ATAD2B: variants seen among roughly 807,000 people sequenced by gnomAD.
The protein encoded by ATAD2B is ATPase family AAA domain-containing protein 2B.
A neutral mutation model predicts 167.6 loss-of-function variants in ATAD2B; 40 were observed. The observed-to-expected ratio is 0.24, with a 90% CI of 0.19 to 0.31. The LOEUF (loss-of-function observed/expected upper bound fraction) is 0.31. ATAD2B is among the 10% of genes least tolerant of loss of function. The pLI is 1.00. For synonymous variants in ATAD2B, 579 were observed against 596.5 expected (o/e 0.97, Z 0.43); for missense variants, 1,242 against 1,757.2 (o/e 0.71, Z 5.24).
chr2:23,802,916 C>T (rs1185102039), intron 18 of ATAD2B, among the ~76,000 whole-genome samples: 1 of 152,042 alleles, frequency 6.6e-6, no homozygotes, highest in Non-Finnish European at 1.5e-5. Context: ...ACCTTATTCA[C>T]CTTTTGAAAT....
chr2:23,715,260 A>T, the ATAD2B span, among the ~76,000 whole-genome samples: 4 of 152,226 alleles, frequency 2.6e-5, no homozygotes, highest in African/African-American at 9.6e-5. Context: ...TTTCACATTA[A>T]TTCTAGTATT....
chr2:23,766,648 A>C (rs1677451857), intron 22 of ATAD2B, among the ~76,000 whole-genome samples: 1 of 152,218 alleles, frequency 6.6e-6, no homozygotes, highest in Non-Finnish European at 1.5e-5. Flanking sequence ...AGCAGTGAAC[A>C]AAACATACAT....
intron 13 of ATAD2B, among the ~76,000 whole-genome samples, chr2:23,838,538 T>C (rs1427207475): frequency 1.3e-5 from 2 of 152,204 alleles, no homozygotes; most frequent in Non-Finnish European, 2.9e-5. Context: ...CCAAACTATT[T>C]GACACAATAT....
At chr2:23,774,317 G>A (rs1205922558) in intron 22 of ATAD2B, among the ~76,000 whole-genome samples, 1 of 152,096 alleles carries the variant, frequency 6.6e-6, no homozygotes, top group Non-Finnish European at 1.5e-5. Context: ...AGGCATGGTT[G>A]TAAGTCCTGT....
chr2:23,857,827 C>T (rs1414786103), intron 12 of ATAD2B, among the ~76,000 whole-genome samples: 6 of 151,096 alleles, frequency 4.0e-5, no homozygotes, highest in Admixed American at 1.3e-4. Context: ...CTACAAGCTC[C>T]GTCTCCCAGA....
chr2:23,697,615 G>A, the ATAD2B span: 7 of 152,204 alleles, frequency 4.6e-5, no homozygotes, highest in Admixed American at 2.0e-4. Context: ...CAGCAAAGAC[G>A]GTTGCAGAGT....
chr2:23,759,740 G>C (rs1163086291), intron 24 of ATAD2B, among the ~76,000 whole-genome samples: 1 of 152,096 alleles, frequency 6.6e-6, no homozygotes, highest in African/African-American at 2.4e-5. Flanking sequence ...TAAAGTTACA[G>C]GGTAATTAGC....
rs141765329 is a variant in ATAD2B at position 23,830,272 on chromosome 2, C to A, written c.1729-1333G>T. Among the ~76,000 whole-genome samples the A allele has an allele frequency of 1.5e-4, 23 of 152,258 alleles. No individual in the cohort carries two copies. The South Asian group carries it at 3.3e-3, about 22-fold the overall frequency. ...GTGCTGGGATTACAGGCGTGAGCTA[C>A]CACACCCAGCCTAAAATAGTTTTCT... On this transcript the variant is annotated intron_variant, in intron 14 of 27. Coordinates refer to ENST00000238789, the MANE Select transcript of ATAD2B (RefSeq NM_017552.4).
chr2:23,740,720 G>A, the ATAD2B span, among the ~76,000 whole-genome samples: 3 of 152,132 alleles, frequency 2.0e-5, no homozygotes, highest in African/African-American at 7.2e-5. Context: ...GGCAGGAGAA[G>A]GAAATAAAGG....
chr2:23,777,551 TA>T (rs780548318), intron 22 of ATAD2B, among the ~76,000 whole-genome samples: 7 of 152,084 alleles, frequency 4.6e-5, no homozygotes, highest in African/African-American at 1.4e-4. Context: ...AGAAATGTAT[TA>T]AGAGCAAAAC....
chr2:23,714,361 T>C, the ATAD2B span, among the ~76,000 whole-genome samples: 1 of 148,426 alleles, frequency 6.7e-6, no homozygotes, highest in Non-Finnish European at 1.5e-5. Flanking sequence ...TGCCTCAGCC[T>C]CCCGAGTAGC....
chr2:23,722,336 T>C, the ATAD2B span, among the ~76,000 whole-genome samples: 1 of 152,044 alleles, frequency 6.6e-6, no homozygotes, highest in Non-Finnish European at 1.5e-5. Flanking sequence ...AAAATAAACA[T>C]AGATAACAAA....
At chr2:23,703,409 G>T in the ATAD2B span, 10 of 1,439,588 alleles carry the variant, frequency 6.9e-6, no homozygotes. Context: ...TCAGCCCAGG[G>T]CCAGGGTCGC....
At chr2:23,794,752 A>ATTGGT (rs1682338280) in intron 19 of ATAD2B, among the ~76,000 whole-genome samples, 1 of 151,994 alleles carries the variant, frequency 6.6e-6, no homozygotes, top group Admixed American at 6.6e-5. Flanking sequence ...ACTATTACCA[A>ATTGGT]AATAGTATAT....
the ATAD2B span, among the ~76,000 whole-genome samples, chr2:23,687,411 G>A: frequency 1.3e-5 from 2 of 152,146 alleles, no homozygotes; most frequent in Non-Finnish European, 2.9e-5. Context: ...TGGCAAGGAC[G>A]GTGCCTGCCA....
intron 21 of ATAD2B, 170 bp downstream of exon 21, chr2:23,785,857 C>T: frequency 1.9e-6 from 1 of 530,818 alleles, no homozygotes; most frequent in Non-Finnish European, 3.2e-6. Flanking sequence ...ATCCAAAAGT[C>T]ACCAGATGTT....
At chr2:23,856,440 T>C (rs758216671) in intron 13 of ATAD2B, 2 of 411,516 alleles carry the variant, frequency 4.9e-6, no homozygotes, top group South Asian at 1.8e-5. Flanking sequence ...ATTATCATAA[T>C]AGCTAAAAAT....
chr2:23,722,625 G>C, the ATAD2B span, among the ~76,000 whole-genome samples: 1 of 152,094 alleles, frequency 6.6e-6, no homozygotes, highest in Non-Finnish European at 1.5e-5. Context: ...CATTCCAGGA[G>C]ATAAAAAGGG....
At chr2:23,680,881 T>C in the ATAD2B span, among the ~76,000 whole-genome samples, 1 of 152,160 alleles carries the variant, frequency 6.6e-6, no homozygotes, top group African/African-American at 2.4e-5. This position sits in a 1 kb window ranked among gnomAD's most constrained non-coding sequence, Gnocchi z 4.1. Context: ...CAGGTGCTTC[T>C]GGAAGTCCAC....
Sources: gnomAD v4.1 joint callset for allele counts (sites outside exome capture counted in the v4.1 genomes callset) on GRCh38, gnomAD v4.1.1 for gene constraint, Gnocchi (gnomAD v3.1) non-coding constraint, MANE v1.5 for transcripts, NCBI Gene and HGNC (gene_info 2026-07-23, HGNC 2026-07-21) for gene names.